Variants in COL24A1 observed in about 807,000 individuals in gnomAD.
The protein encoded by COL24A1 is collagen alpha-1(XXIV) chain.
A neutral mutation model predicts 253.9 loss-of-function variants in COL24A1; 224 were observed. The ratio of observed to expected loss-of-function variants is 0.88; its 90% CI spans 0.79 to 0.99. The LOEUF (loss-of-function observed/expected upper bound fraction) is 0.99. Among genes scored for constraint, COL24A1 ranks in the 50% least tolerant of loss-of-function variants. The pLI is 0.00. For missense variants in COL24A1, 2,131 were observed against 2,068.5 expected, an observed-to-expected ratio of 1.03 and a Z score of -0.59; for synonymous variants, 685 against 673.7, an observed-to-expected ratio of 1.02 and a Z score of -0.26.
intron 43 of COL24A1, among the ~76,000 whole-genome samples, 173 bp from the exon 44 acceptor site, chr1:85,823,911 G>A (rs1673927844): frequency 6.6e-6 from 1 of 151,938 alleles, no homozygotes; most frequent in African/African-American, 2.4e-5. Flanking sequence ...GGATATTATG[G>A]TAGCTGAAAA....
intron 20 of COL24A1, among the ~76,000 whole-genome samples, chr1:85,980,685 G>T (rs544345414): frequency 1.3e-4 from 20 of 152,148 alleles, no homozygotes; most frequent in Non-Finnish European, 2.5e-4. Context: ...AAGGCAGGCG[G>T]ATCACAAGAC....
intron 8 of COL24A1, among the ~76,000 whole-genome samples, chr1:86,060,595 CCTCTCATTTCTAT>C (rs1370875333): frequency 6.6e-6 from 1 of 151,414 alleles, no homozygotes; most frequent in East Asian, 1.9e-4. Flanking sequence ...CACTTTTTTC[CCTCTCATTTCTAT>C]CTCTCATTTC....
chr1:85,933,257 AT>A (rs1441788986), intron 24 of COL24A1, among the ~76,000 whole-genome samples: 2 of 152,198 alleles, frequency 1.3e-5, no homozygotes, highest in African/African-American at 4.8e-5. Context: ...TCAGTATCTA[AT>A]TTTTGCTGTC....
chr1:85,895,874 C>A lies in COL24A1; in HGVS notation c.2906G>T (p.Gly969Val). The A allele has an allele frequency of 6.2e-7, 1 of 1,608,398 alleles. No homozygotes were observed. Among genetic ancestry groups the A allele is most frequent in the Non-Finnish European group, 8.5e-7 (1 of 1,178,410 alleles). Reference sequence around the variant, plus strand: ...ATTACTTACTGGTTTCCCTTGAAATCCTCTTTCTCCAGGGTTTCCAGTCTT... The same window carrying A: ...ATTACTTACTGGTTTCCCTTGAAATACTCTTTCTCCAGGGTTTCCAGTCTT... ...IGKTGNPGER[G>V]FQGKPGLQGL... The change falls in exon 31 of 60, where the codon GGA becomes GTA. Residue 969 changes from glycine to valine, a missense_variant. Transcript: ENST00000370571.
intron 24 of COL24A1, among the ~76,000 whole-genome samples, chr1:85,917,318 A>G (rs1229767308): frequency 6.6e-6 from 1 of 152,216 alleles, no homozygotes; most frequent in Non-Finnish European, 1.5e-5. Flanking sequence ...TATATAGAGT[A>G]GTGGCTCATT....
At chr1:85,885,397 A>ATATTTTTTT (rs60994639) in intron 32 of COL24A1, among the ~76,000 whole-genome samples, 18 of 128,900 alleles carry the variant, frequency 1.4e-4, no homozygotes, top group African/African-American at 2.6e-4. Flanking sequence ...ATATATATAT[A>ATATTTTTTT]TTTTTTTTTT....
intron 47 of COL24A1, among the ~76,000 whole-genome samples, chr1:85,803,652 T>C (rs1671671697): frequency 6.6e-6 from 1 of 152,110 alleles, no homozygotes. Flanking sequence ...ATAATACTGC[T>C]TTAAAATTTT....
At chr1:85,795,025 C>G (rs1000965571) in intron 47 of COL24A1, among the ~76,000 whole-genome samples, 1 of 152,104 alleles carries the variant, frequency 6.6e-6, no homozygotes, top group Non-Finnish European at 1.5e-5. Flanking sequence ...TCAGTAATGA[C>G]AACAACAACA....
At chr1:85,800,379 A>G (rs892604625) in intron 47 of COL24A1, among the ~76,000 whole-genome samples, 2 of 152,168 alleles carry the variant, frequency 1.3e-5, no homozygotes, top group Admixed American at 1.3e-4. Flanking sequence ...ACCTGACAAG[A>G]TTCTTTGCTA....
chr1:85,958,700 A>G (rs1012719244), intron 24 of COL24A1, among the ~76,000 whole-genome samples: 4 of 152,124 alleles, frequency 2.6e-5, no homozygotes, highest in African/African-American at 9.6e-5. Context: ...AGTGAAAAAG[A>G]ACATGTTTTT....
intron 24 of COL24A1, among the ~76,000 whole-genome samples, chr1:85,926,866 G>A (rs1412836246): frequency 6.6e-6 from 1 of 151,932 alleles, no homozygotes; most frequent in African/African-American, 2.4e-5. Context: ...GGAGAACCAG[G>A]AATGCACAAA....
At chr1:86,020,314 C>A (rs947646119) in intron 18 of COL24A1, among the ~76,000 whole-genome samples, 8 of 152,054 alleles carry the variant, frequency 5.3e-5, no homozygotes, top group African/African-American at 1.9e-4. Flanking sequence ...GATCCACCCA[C>A]CTCAGCTGCC....
chr1:86,006,044 A>C (rs1034535424), intron 19 of COL24A1, among the ~76,000 whole-genome samples: 1 of 152,176 alleles, frequency 6.6e-6, no homozygotes, highest in African/African-American at 2.4e-5. Flanking sequence ...TATGAGGAAA[A>C]CTATAAAATT....
chr1:85,841,948 A>C lies in COL24A1; in HGVS notation c.3570+120T>G. ...TATTTTTTTCTTCCAGAATTAGTAA[A>C]ATTTTCAACTTTAAAAGTGCTTCTT... On this transcript the variant is annotated intron_variant, in intron 41 of 59. Coordinates refer to ENST00000370571, the MANE Select transcript of COL24A1 (RefSeq NM_152890.7). 3 of 763,928 alleles carry C rather than the reference A, an allele frequency of 3.9e-6. No individual in the cohort carries two copies. In the South Asian group the frequency reaches 6.2e-5, roughly 16 times the overall value. The allele number at this position is 763,928 out of a possible 1,614,324, so 47.3% of individuals were successfully genotyped here. A position where few individuals can be genotyped will look rare whatever the true frequency, so the allele number is the denominator to read the frequency against.
intron 28 of COL24A1, among the ~76,000 whole-genome samples, chr1:85,905,653 T>G (rs751059363): frequency 6.6e-6 from 1 of 151,954 alleles, no homozygotes; most frequent in Non-Finnish European, 1.5e-5. Flanking sequence ...ATTTGAAGGA[T>G]GTGAGGAAAA....
chr1:85,920,929 G>GA (rs71078629), intron 24 of COL24A1, among the ~76,000 whole-genome samples: 5,290 of 144,328 alleles, frequency 0.037, 148 homozygotes, highest in African/African-American at 0.07. Flanking sequence ...GCAAGAGGTA[G>GA]AAAAAAAAAA....
chr1:85,815,009 T>A (rs1358739016), intron 47 of COL24A1, among the ~76,000 whole-genome samples: 1 of 152,312 alleles, frequency 6.6e-6, no homozygotes, highest in East Asian at 1.9e-4. Context: ...TTGCTACTAC[T>A]AGTACTTTTA....
At chr1:85,856,885 C>T (rs560583619) in intron 37 of COL24A1, among the ~76,000 whole-genome samples, 1 of 152,206 alleles carries the variant, frequency 6.6e-6, no homozygotes, top group African/African-American at 2.4e-5. Context: ...GAGCACCTAG[C>T]ACACAAAGCT....
chr1:85,868,617 C>CT lies in COL24A1; in HGVS notation c.3201dup (p.Gly1068ArgfsTer26). On this transcript the variant is annotated frameshift_variant, in exon 37 of 60. Transcript: ENST00000370571. LOFTEE classifies it high-confidence loss of function. ...TCCTCTCCAGGAAGTCCCCTTCCTC[C>CT]TGGTACTCCCTGTAATGCAATAAAA... is the stretch of plus-strand genomic sequence containing the variant. The CT allele has an allele frequency of 3.1e-6, 5 of 1,612,494 alleles. No homozygotes were observed. The highest frequency in any genetic ancestry group is 4.2e-6 in the Non-Finnish European group (5 of 1,178,682).
Sources: allele counts gnomAD v4.1 joint callset (sites outside exome capture counted in the v4.1 genomes callset), GRCh38; gene constraint gnomAD v4.1.1; transcripts MANE v1.5; gene names NCBI Gene and HGNC (gene_info 2026-07-23, HGNC 2026-07-21).